Variants in DNM2 observed in about 807,000 individuals in gnomAD.
DNM2 encodes dynamin 2, also known as dynamin-2.
A neutral mutation model predicts 99.0 loss-of-function variants in DNM2; 15 were observed. The ratio of observed to expected loss-of-function variants is 0.15; its 90% CI spans 0.10 to 0.23. The LOEUF (loss-of-function observed/expected upper bound fraction) is 0.23, where lower values mean the gene tolerates loss of function less well. Ranked by LOEUF, DNM2 falls within the 10% of genes least tolerant of loss-of-function variation. DNM2 has a pLI of 1.00. For synonymous variants in DNM2, 525 were observed against 481.2 expected, an observed-to-expected ratio of 1.09 and a Z score of -1.19; for missense variants, 742 against 1,189.4, an observed-to-expected ratio of 0.62 and a Z score of 5.53.
chr19:10,723,653 A>G (rs915355206), intron 1 of DNM2, among the ~76,000 whole-genome samples: 6 of 152,236 alleles, frequency 3.9e-5, no homozygotes, highest in African/African-American at 1.4e-4. Flanking sequence ...AGTGCTTGGC[A>G]TAGAAGAAGT....
intron 1 of DNM2, among the ~76,000 whole-genome samples, chr19:10,730,496 T>C (rs887658672): frequency 4.0e-5 from 6 of 151,182 alleles, no homozygotes; most frequent in Admixed American, 3.3e-4. Context: ...AAAAAGTAGC[T>C]AAAAACCAGA....
chr19:10,812,393 G>A lies in DNM2; in HGVS notation c.1671+16G>A, dbSNP rs752824768. The A allele has an allele frequency of 1.3e-6, 2 of 1,588,876 alleles. No homozygotes were observed. The highest frequency in any genetic ancestry group is 1.7e-6 in the Non-Finnish European group (2 of 1,166,826). On this transcript the variant is annotated intron_variant, in intron 15 of 20. Coordinates refer to ENST00000389253, the MANE Select transcript of DNM2 (RefSeq NM_001005361.3). The surrounding 1 kb of genome is among the most constrained non-coding windows in gnomAD (Gnocchi z 4.0). ...GGATGAGGAGGTGAGTGGCAGGCGG[G>A]AGCAGGGCTGCTGGGGTAGGTGGGG...
intron 1 of DNM2, among the ~76,000 whole-genome samples, chr19:10,723,329 T>C (rs2069003675): frequency 6.6e-6 from 1 of 152,132 alleles, no homozygotes; most frequent in African/African-American, 2.4e-5. Context: ...GGCGGGGTTT[T>C]CCCGTGTTGG....
At chr19:10,825,995 A>G (rs1185541917) in intron 18 of DNM2, among the ~76,000 whole-genome samples, 2 of 152,146 alleles carry the variant, frequency 1.3e-5, no homozygotes, top group South Asian at 2.1e-4. Context: ...TGATCATGCC[A>G]CTGCACTCCA....
rs536198617 is a variant in DNM2 at position 10,807,421 on chromosome 19, T to TC, written c.1546-1148_1546-1147insC. ...CGCCCAGCTAATTTTTTTGTATTTTTAGTAGAGAGGGGGTTTCACCATCTT... is the reference window on the plus strand; with the variant it reads ...CGCCCAGCTAATTTTTTTGTATTTTTCAGTAGAGAGGGGGTTTCACCATCTT... On this transcript the variant is annotated intron_variant, in intron 13 of 20. Transcript: ENST00000389253. Among the ~76,000 whole-genome samples, 7 of 151,886 alleles carry TC rather than the reference T, an allele frequency of 4.6e-5. No homozygotes were observed. In the East Asian group the frequency reaches 1.4e-3, roughly 29 times the overall value.
chr19:10,760,365 G>A (rs1430484723), intron 2 of DNM2, among the ~76,000 whole-genome samples: 2 of 151,974 alleles, frequency 1.3e-5, no homozygotes, highest in African/African-American at 4.8e-5. Context: ...ATGTGTTATA[G>A]ATAACCCGAT....
chr19:10,759,597 TC>T, intron 1 of DNM2, 140 bp from the exon 2 acceptor site: 3 of 960,866 alleles, frequency 3.1e-6, no homozygotes, highest in Non-Finnish European at 5.1e-6. Context: ...ACCAGAGCAT[TC>T]CCCAGGGCCC....
chr19:10,795,528 T>A lies in DNM2; in HGVS notation c.1196+89T>A. The A allele has an allele frequency of 6.8e-7, 1 of 1,468,624 alleles. No individual in the cohort carries two copies. The highest frequency in any genetic ancestry group is 9.5e-7 in the Non-Finnish European group (1 of 1,051,862). 91.0% of individuals were successfully genotyped at this position (1,468,624 alleles called of 1,614,324 possible). A position where few individuals can be genotyped will look rare whatever the true frequency, so the allele number is the denominator to read the frequency against. On this transcript the variant is annotated intron_variant, in intron 9 of 20. Coordinates refer to ENST00000389253, the MANE Select transcript of DNM2 (RefSeq NM_001005361.3). The surrounding 1 kb of genome is among the most constrained non-coding windows in gnomAD (Gnocchi z 4.2). ...TGGGTCACCCACACCTCTGAGTCCC[T>A]AATCGTTAGGCCTTAAGAGGGCTCT...
At chr19:10,739,418 TCCTC>T (rs2069656277) in intron 1 of DNM2, among the ~76,000 whole-genome samples, 1 of 152,214 alleles carries the variant, frequency 6.6e-6, no homozygotes, top group African/African-American at 2.4e-5. Context: ...ATGAAGCAGT[TCCTC>T]CCTCCCCCAG....
chr19:10,733,766 G>C (rs2069420387), intron 1 of DNM2, among the ~76,000 whole-genome samples: 1 of 152,042 alleles, frequency 6.6e-6, no homozygotes, highest in Admixed American at 6.6e-5. Context: ...CAGCACTTTG[G>C]GAGGCAGAGG....
chr19:10,825,906 C>G (rs1294136229), intron 18 of DNM2, among the ~76,000 whole-genome samples: 2 of 149,570 alleles, frequency 1.3e-5, no homozygotes, highest in Admixed American at 1.3e-4. Context: ...TAGGCCATAC[C>G]TGTTTGTAGT....
chr19:10,808,647 C>G, intron 14 of DNM2, 67 bp downstream of exon 14: 1 of 1,529,836 alleles, frequency 6.5e-7, no homozygotes, highest in Admixed American at 1.8e-5. Flanking sequence ...CCCGCCCACC[C>G]CTAATATTCC....
At chr19:10,774,312 A>G (rs1329470487) in intron 3 of DNM2, among the ~76,000 whole-genome samples, 1 of 152,230 alleles carries the variant, frequency 6.6e-6, no homozygotes, top group African/African-American at 2.4e-5. Flanking sequence ...AAGACCCTCT[A>G]TCTTAAAAAA....
intron 1 of DNM2, among the ~76,000 whole-genome samples, chr19:10,723,976 C>G (rs2069025472): frequency 6.6e-6 from 1 of 151,966 alleles, no homozygotes; most frequent in Non-Finnish European, 1.5e-5. Flanking sequence ...CCCAGCTACT[C>G]AGGAGGCTGA....
At chr19:10,756,354 C>T (rs1412207667) in intron 1 of DNM2, among the ~76,000 whole-genome samples, 9 of 151,960 alleles carry the variant, frequency 5.9e-5, no homozygotes, top group Admixed American at 2.0e-4. Context: ...AGAATGTTGG[C>T]GCCAGTGTCA....
At chr19:10,784,869 G>T (rs574854255) in intron 6 of DNM2, among the ~76,000 whole-genome samples, 1 of 142,808 alleles carries the variant, frequency 7.0e-6, no homozygotes, top group African/African-American at 2.6e-5. Context: ...TGTTGCCCGG[G>T]CTGGAGTGCA....
chr19:10,824,843 C>T, intron 17 of DNM2: 1 of 666,332 alleles, frequency 1.5e-6, no homozygotes, highest in Non-Finnish European at 2.6e-6. Context: ...GTTCCAATGC[C>T]CAGGTGAGGG....
At chr19:10,722,780 A>G (rs987655386) in intron 1 of DNM2, among the ~76,000 whole-genome samples, 4 of 152,006 alleles carry the variant, frequency 2.6e-5, no homozygotes, top group African/African-American at 9.7e-5. Context: ...GGCACGTGCC[A>G]CCACGCTTGG....
rs1599638790 is a variant in DNM2 at position 10,829,018 on chromosome 19, C to T, written c.2059-18C>T. 1 of 1,609,830 alleles carries T rather than the reference C, an allele frequency of 6.2e-7. No homozygotes were observed. Among genetic ancestry groups the T allele is most frequent in the Non-Finnish European group, 8.5e-7 (1 of 1,178,380 alleles). On this transcript the variant is annotated intron_variant, in intron 18 of 20. Coordinates refer to ENST00000389253, the MANE Select transcript of DNM2 (RefSeq NM_001005361.3). Reference sequence around the variant, plus strand: ...GGGGTGATACACAAGCCTGACCCTCCCCAACCCCTGCCCGCAGACGAAGGC... The same window carrying T: ...GGGGTGATACACAAGCCTGACCCTCTCCAACCCCTGCCCGCAGACGAAGGC...
Sources: gnomAD v4.1 joint callset for allele counts (sites outside exome capture counted in the v4.1 genomes callset) on GRCh38, gnomAD v4.1.1 for gene constraint, Gnocchi (gnomAD v3.1) non-coding constraint, MANE v1.5 for transcripts, NCBI Gene and HGNC (gene_info 2026-07-23, HGNC 2026-07-21) for gene names.